The following RBFOX1 variants were observed in gnomAD, a reference collection of about 807,000 sequenced individuals.
RBFOX1 encodes the protein RNA binding fox-1 homolog 1.
In RBFOX1, 8 loss-of-function variants were observed where a neutral mutation model predicts 57.7. The ratio of observed to expected loss-of-function variants is 0.14; its 90% CI spans 0.08 to 0.25. RBFOX1 has a LOEUF of 0.25. Among genes scored for constraint, RBFOX1 ranks in the 10% least tolerant of loss-of-function variants. The probability of loss-of-function intolerance (pLI) is 1.00; values close to 1 mark genes in which losing one functional copy is unlikely to be tolerated. For synonymous variants in RBFOX1, 326 were observed against 222.4 expected, an observed-to-expected ratio of 1.47 and a Z score of -4.15; for missense variants, 611 against 548.5, an observed-to-expected ratio of 1.11 and a Z score of -1.14.
At chr16:6,061,651 T>C (rs1262599915) in intron 1 of RBFOX1, among the ~76,000 whole-genome samples, 1 of 152,044 alleles carries the variant, frequency 6.6e-6, no homozygotes, top group Non-Finnish European at 1.5e-5. Context: ...TTCTTAACAA[T>C]ATAAATAAAT....
At chr16:7,423,719 C>G (rs1177852157) in intron 4 of RBFOX1, among the ~76,000 whole-genome samples, 2 of 152,136 alleles carry the variant, frequency 1.3e-5, no homozygotes, top group Non-Finnish European at 2.9e-5. Flanking sequence ...GGCTGGGCCA[C>G]TTTCTTTTCC....
chr16:5,836,165 G>A (rs905565310), intron 3 of RBFOX1, among the ~76,000 whole-genome samples: 4 of 152,148 alleles, frequency 2.6e-5, no homozygotes, highest in Admixed American at 1.3e-4. Context: ...TGCTACCGCC[G>A]CCAGCACCAA....
At chr16:6,194,411 A>C (rs1470446055) in intron 1 of RBFOX1, among the ~76,000 whole-genome samples, 1 of 152,124 alleles carries the variant, frequency 6.6e-6, no homozygotes, top group Non-Finnish European at 1.5e-5. Context: ...TGTTTTCAGG[A>C]TTATGACCAA....
intron 3 of RBFOX1, among the ~76,000 whole-genome samples, chr16:6,927,529 T>C (rs1217805832): frequency 4.6e-5 from 7 of 151,752 alleles, no homozygotes; most frequent in Non-Finnish European, 1.0e-4. Context: ...TGAGCAGATA[T>C]TTCTTTGTTT....
At chr16:5,804,250 T>A (rs752614542) in intron 3 of RBFOX1, among the ~76,000 whole-genome samples, 1 of 152,146 alleles carries the variant, frequency 6.6e-6, no homozygotes, top group Non-Finnish European at 1.5e-5. Context: ...GGATGAATTG[T>A]TGGATAGGTG....
chr16:7,201,301 A>C (rs548880357), intron 4 of RBFOX1, among the ~76,000 whole-genome samples: 2 of 152,320 alleles, frequency 1.3e-5, no homozygotes, highest in East Asian at 3.9e-4. Context: ...AGGTAGTAGA[A>C]GAGGTGAAGT....
chr16:5,967,925 C>G (rs949422344), intron 4 of RBFOX1, among the ~76,000 whole-genome samples: 15 of 152,074 alleles, frequency 9.9e-5, no homozygotes, highest in Non-Finnish European at 4.4e-5. Flanking sequence ...CTCTGTTTTT[C>G]GTAGTTGTGC....
At chr16:7,280,389 C>T (rs1289643705) in intron 4 of RBFOX1, among the ~76,000 whole-genome samples, 1 of 152,214 alleles carries the variant, frequency 6.6e-6, no homozygotes, top group Non-Finnish European at 1.5e-5. Context: ...TTAAGAAAGA[C>T]ATGCACAGTA....
intron 4 of RBFOX1, among the ~76,000 whole-genome samples, chr16:7,255,943 A>G (rs894727261): frequency 3.3e-5 from 5 of 152,198 alleles, no homozygotes; most frequent in Non-Finnish European, 4.4e-5. Context: ...ATAAGATCAT[A>G]AAGTGTTCAC....
intron 4 of RBFOX1, among the ~76,000 whole-genome samples, chr16:7,138,902 G>T (rs1212842642): frequency 6.6e-6 from 1 of 152,066 alleles, no homozygotes; most frequent in Non-Finnish European, 1.5e-5. Flanking sequence ...TCCGCCTCCC[G>T]GGTTCAAGTA....
At chr16:7,081,397 G>A (rs2059176805) in intron 4 of RBFOX1, among the ~76,000 whole-genome samples, 6 of 152,178 alleles carry the variant, frequency 3.9e-5, no homozygotes, top group Admixed American at 3.9e-4. Context: ...ACCTGTTTGT[G>A]TGTTTGTGTC....
chr16:7,142,171 A>C (rs571561427), intron 4 of RBFOX1, among the ~76,000 whole-genome samples: 1 of 151,932 alleles, frequency 6.6e-6, no homozygotes, highest in African/African-American at 2.4e-5. Context: ...CTGCGAGCAC[A>C]CACCACCACA....
intron 4 of RBFOX1, among the ~76,000 whole-genome samples, chr16:5,939,119 C>A (rs2059229479): frequency 6.6e-6 from 1 of 152,210 alleles, no homozygotes; most frequent in East Asian, 1.9e-4. Context: ...GGAGGGATAG[C>A]ATTAGGAGAT....
chr16:6,193,409 T>TATATATAC (rs2097159082), intron 1 of RBFOX1, among the ~76,000 whole-genome samples: 1 of 72,622 alleles, frequency 1.4e-5, no homozygotes, highest in African/African-American at 3.5e-5. Context: ...TATATATATA[T>TATATATAC]ATATATATAT....
intron 1 of RBFOX1, among the ~76,000 whole-genome samples, chr16:5,407,255 C>G (rs1203983170): frequency 1.3e-5 from 2 of 152,160 alleles, no homozygotes; most frequent in East Asian, 1.9e-4. Flanking sequence ...GATCCAGTCC[C>G]CTCCCACCAG....
chr16:6,565,346 T>C (rs2097248557), intron 2 of RBFOX1, among the ~76,000 whole-genome samples: 1 of 151,734 alleles, frequency 6.6e-6, no homozygotes, highest in African/African-American at 2.4e-5. Flanking sequence ...AACCTCCATC[T>C]CCCAGATTCA....
chr16:5,261,827 G>A (rs1209226155), intron 1 of RBFOX1, among the ~76,000 whole-genome samples: 1 of 152,174 alleles, frequency 6.6e-6, no homozygotes, highest in African/African-American at 2.4e-5. Flanking sequence ...TGGGATTACA[G>A]GTGTGAGCCA....
At chr16:7,521,975 G>A (rs2077601559) in intron 5 of RBFOX1, among the ~76,000 whole-genome samples, 1 of 152,154 alleles carries the variant, frequency 6.6e-6, no homozygotes, top group African/African-American at 2.4e-5. Context: ...CCTGTGAAAA[G>A]CTCTTGGATT....
At position 6,749,650 on chromosome 16, in the gene RBFOX1, A is replaced by G. The variant is rs147205381; in HGVS notation, c.-16+95000A>G. Among the ~76,000 whole-genome samples the G allele has an allele frequency of 1.5e-4, 23 of 152,238 alleles. No homozygotes were observed. The East Asian group carries it at 4.5e-3, about 29-fold the overall frequency. ...CTTCATCTCCTGGAGTGTCTCTCCT[A>G]ATCAGTACATCAGGGGTAACAAATC... On this transcript the variant is annotated intron_variant, in intron 3 of 15. Transcript: ENST00000550418.
Sources: gnomAD v4.1 joint callset for allele counts (sites outside exome capture counted in the v4.1 genomes callset) on GRCh38, gnomAD v4.1.1 for gene constraint, MANE v1.5 for transcripts, NCBI Gene and HGNC (gene_info 2026-07-23, HGNC 2026-07-21) for gene names.